Variants in WWOX observed in about 807,000 individuals in gnomAD.
The protein encoded by WWOX is WW domain-containing oxidoreductase.
WWOX carries 69 observed loss-of-function variants against 46.2 expected under a neutral mutation model. The observed-to-expected ratio is 1.49, with a 90% confidence interval of 1.23 to 1.82. The LOEUF (loss-of-function observed/expected upper bound fraction) is 1.82. Among genes scored for constraint, WWOX ranks in the 40% most tolerant of loss-of-function variants. The probability of loss-of-function intolerance (pLI) is 0.00; values close to 1 mark genes in which losing one functional copy is unlikely to be tolerated. For synonymous variants in WWOX, 359 were observed against 202.6 expected, an observed-to-expected ratio of 1.77 and a Z score of -6.56; for missense variants, 919 against 542.6, an observed-to-expected ratio of 1.69 and a Z score of -6.89.
At chr16:78,391,044 T>TA (rs1261911678) in intron 6 of WWOX, among the ~76,000 whole-genome samples, 1 of 152,182 alleles carries the variant, frequency 6.6e-6, no homozygotes, top group South Asian at 2.1e-4. Context: ...TGTGTAGTCT[T>TA]AGAGCAGAAA....
chr16:78,894,133 G>T (rs1416141171), intron 8 of WWOX, among the ~76,000 whole-genome samples: 1 of 151,428 alleles, frequency 6.6e-6, no homozygotes, highest in Non-Finnish European at 1.5e-5. Context: ...TGACCTCCTG[G>T]GCTCAAGCAA....
chr16:78,539,584 T>C (rs2043838563), intron 8 of WWOX, among the ~76,000 whole-genome samples: 1 of 152,248 alleles, frequency 6.6e-6, no homozygotes, highest in Non-Finnish European at 1.5e-5. Context: ...AGTGCACACA[T>C]GCATTTTTAA....
intron 8 of WWOX, among the ~76,000 whole-genome samples, chr16:78,757,846 C>G (rs1190710470): frequency 6.6e-6 from 1 of 152,002 alleles, no homozygotes; most frequent in African/African-American, 2.4e-5. Flanking sequence ...GACAAGTCCA[C>G]CAGTCTCATT....
intron 8 of WWOX, among the ~76,000 whole-genome samples, chr16:78,623,526 A>C (rs2046238225): frequency 6.6e-6 from 1 of 152,110 alleles, no homozygotes; most frequent in Non-Finnish European, 1.5e-5. Context: ...CTAAAAATAC[A>C]AAAATCAGCC....
At chr16:78,716,330 G>T (rs2048559803) in intron 8 of WWOX, among the ~76,000 whole-genome samples, 2 of 152,118 alleles carry the variant, frequency 1.3e-5, no homozygotes, top group South Asian at 2.1e-4. Context: ...ATGTGGCCCT[G>T]TTGACACCTT....
At chr16:78,563,896 G>T (rs531270941) in intron 8 of WWOX, among the ~76,000 whole-genome samples, 1 of 152,174 alleles carries the variant, frequency 6.6e-6, no homozygotes, top group African/African-American at 2.4e-5. Flanking sequence ...AACCAGGATG[G>T]CATGAAACTT....
intron 8 of WWOX, among the ~76,000 whole-genome samples, chr16:78,730,955 T>C (rs940519033): frequency 2.6e-5 from 4 of 152,124 alleles, no homozygotes; most frequent in African/African-American, 9.7e-5. Flanking sequence ...TAATACATTA[T>C]TATCATTAAC....
intron 8 of WWOX, among the ~76,000 whole-genome samples, chr16:79,084,420 C>G (rs1388610218): frequency 1.3e-5 from 2 of 152,036 alleles, no homozygotes; most frequent in Non-Finnish European, 2.9e-5. Flanking sequence ...CAGCTTATGA[C>G]AAGTAATTTC....
intron 8 of WWOX, among the ~76,000 whole-genome samples, chr16:78,618,771 T>G (rs753347698): frequency 6.6e-6 from 1 of 151,718 alleles, no homozygotes; most frequent in African/African-American, 2.4e-5. Flanking sequence ...ACCTGAGACC[T>G]GAGAGGAGGA....
intron 8 of WWOX, among the ~76,000 whole-genome samples, chr16:78,460,230 A>C (rs2083918388): frequency 6.6e-6 from 1 of 151,616 alleles, no homozygotes; most frequent in South Asian, 2.1e-4. Flanking sequence ...CGGATTCAAG[A>C]GATTCTTGTG....
intron 5 of WWOX, among the ~76,000 whole-genome samples, chr16:78,195,437 C>G (rs541729343): frequency 6.6e-6 from 1 of 152,198 alleles, no homozygotes; most frequent in East Asian, 1.9e-4. Flanking sequence ...ACTCAGGTGT[C>G]TTAAGTACCG....
chr16:78,829,814 A>T (rs1329313173), intron 8 of WWOX, among the ~76,000 whole-genome samples: 1 of 152,210 alleles, frequency 6.6e-6, no homozygotes, highest in East Asian at 1.9e-4. Flanking sequence ...TCCTAATTCC[A>T]GAGCTCCTCC....
intron 8 of WWOX, among the ~76,000 whole-genome samples, chr16:79,036,828 T>G (rs1188043301): frequency 6.6e-6 from 1 of 152,166 alleles, no homozygotes; most frequent in East Asian, 1.9e-4. Context: ...GCTGTAGAGA[T>G]GTTAGCATCA....
chr16:78,704,780 G>A (rs1308554239), intron 8 of WWOX, among the ~76,000 whole-genome samples: 2 of 152,100 alleles, frequency 1.3e-5, no homozygotes, highest in Non-Finnish European at 1.5e-5. Flanking sequence ...TTTCTTTCAG[G>A]CAAGACAGCC....
chr16:78,320,608 G>C (rs1209480432), intron 5 of WWOX, among the ~76,000 whole-genome samples: 1 of 152,172 alleles, frequency 6.6e-6, no homozygotes, highest in African/African-American at 2.4e-5. Flanking sequence ...ATGCTTTCTA[G>C]AATTATTCAA....
chr16:79,022,861 T>C (rs1383894504), intron 8 of WWOX, among the ~76,000 whole-genome samples: 2 of 152,192 alleles, frequency 1.3e-5, no homozygotes, highest in Non-Finnish European at 2.9e-5. Context: ...TGCTTTGCAC[T>C]TTCTGGCTTT....
chr16:78,229,910 C>T (rs112630887), intron 5 of WWOX, among the ~76,000 whole-genome samples: 3 of 152,068 alleles, frequency 2.0e-5, no homozygotes, highest in African/African-American at 7.2e-5. Flanking sequence ...AACAGGATCT[C>T]ACTCTGTCAC....
At chr16:79,179,710 T>C (rs988592588) in intron 8 of WWOX, among the ~76,000 whole-genome samples, 5 of 152,198 alleles carry the variant, frequency 3.3e-5, no homozygotes, top group African/African-American at 1.2e-4. Context: ...TAGTTGGGTA[T>C]GGCCAGGCTC....
At chr16:78,386,977 C>A (rs748827826) in intron 6 of WWOX, 29 bp downstream of exon 6, 6 of 1,593,976 alleles carry the variant, frequency 3.8e-6, no homozygotes, top group Admixed American at 3.3e-5. Context: ...GGTTATAGAT[C>A]ATAATTTCTT....
Sources: gnomAD v4.1 joint callset for allele counts (sites outside exome capture counted in the v4.1 genomes callset) on GRCh38, gnomAD v4.1.1 for gene constraint, MANE v1.5 for transcripts, NCBI Gene and HGNC (gene_info 2026-07-23, HGNC 2026-07-21) for gene names.